Variants in PRIM2 observed in about 807,000 individuals in gnomAD.
The protein encoded by PRIM2 is DNA primase subunit 2.
In PRIM2, 39 loss-of-function variants were observed where a neutral mutation model predicts 67.3. The ratio of observed to expected loss-of-function variants is 0.58; its 90% CI spans 0.45 to 0.76. The LOEUF (loss-of-function observed/expected upper bound fraction) is 0.76. Ranked by LOEUF, PRIM2 falls within the 30% of genes least tolerant of loss-of-function variation. The pLI, the probability that PRIM2 is intolerant of heterozygous loss-of-function variation, is 0.00. For missense variants in PRIM2, 398 were observed against 598.7 expected, an observed-to-expected ratio of 0.66 and a Z score of 3.50; for synonymous variants, 143 against 198.7, an observed-to-expected ratio of 0.72 and a Z score of 2.36.
intron 10 of PRIM2, among the ~76,000 whole-genome samples, chr6:57,583,017 T>C (rs1776125216): frequency 7.0e-6 from 1 of 142,722 alleles, no homozygotes; most frequent in Non-Finnish European, 1.5e-5. Context: ...AATTCCCACC[T>C]ATGAGTGATA....
At chr6:57,230,297 C>T in the PRIM2 span, among the ~76,000 whole-genome samples, 3 of 152,218 alleles carry the variant, frequency 2.0e-5, no homozygotes, top group Admixed American at 6.5e-5. Flanking sequence ...CTGTGTCTCA[C>T]TTCCAGCCTT....
the PRIM2 span, among the ~76,000 whole-genome samples, chr6:57,222,979 C>G: frequency 6.6e-6 from 1 of 152,058 alleles, no homozygotes; most frequent in African/African-American, 2.4e-5. Context: ...TTAGGGTGCA[C>G]GGACAGGCAG....
Position 57,646,054 on chromosome 6 carries a change from A to G in PRIM2, c.1426A>G (p.Ser476Gly), listed in dbSNP as rs1270099475. 6.2e-7 allele frequency: 1 copy of G among 1,603,718 alleles called. No homozygotes were observed. The highest frequency in any genetic ancestry group is 8.5e-7 in the Non-Finnish European group (1 of 1,170,604). The change falls in exon 14 of 14, where the codon AGT becomes GGT. Residue 476 changes from serine to glycine, a missense_variant. Around this residue, in one of 4 missense-constraint regions of PRIM2, gnomAD observed 72 missense variants for 89.4 expected, o/e 0.81. Coordinates refer to ENST00000615550, the MANE Select transcript of PRIM2 (RefSeq NM_000947.5). ...ACCAGAAACTCCTCAACCCAAACCA[A>G]GTGTCCAGAAAACCAAGGATGCATC... ...IQPETPQPKP[S>G]VQKTKDASSA...
At chr6:57,257,340 C>T in the PRIM2 span, among the ~76,000 whole-genome samples, 3 of 150,352 alleles carry the variant, frequency 2.0e-5, no homozygotes, top group Admixed American at 1.3e-4. Context: ...GGCGCAATCT[C>T]GGCTCACCGC....
chr6:57,625,416 C>A (rs1310867734), intron 12 of PRIM2, among the ~76,000 whole-genome samples: 2 of 152,116 alleles, frequency 1.3e-5, no homozygotes, highest in African/African-American at 4.8e-5. Context: ...AGAAAACCCC[C>A]GATCATCACT....
intron 10 of PRIM2, among the ~76,000 whole-genome samples, chr6:57,546,466 A>G (rs1187437716): frequency 0.012 from 1,885 of 152,304 alleles, 36 homozygotes; most frequent in African/African-American, 0.043. Context: ...GAAAGAAATG[A>G]GAGCAAGAAT....
intron 10 of PRIM2, among the ~76,000 whole-genome samples, chr6:57,538,016 G>GT (rs1351821288): frequency 0.39 from 57,653 of 147,292 alleles, 11,317 homozygotes; most frequent in East Asian, 0.64. Context: ...ATAAACTTTT[G>GT]TTTTTTTTTT....
At chr6:57,446,280 G>GTTT (rs1184600298) in intron 7 of PRIM2, among the ~76,000 whole-genome samples, 3 of 107,836 alleles carry the variant, frequency 2.8e-5, no homozygotes, top group Admixed American at 9.2e-5. Context: ...ATGAGTAACT[G>GTTT]TTTTTTTTGT....
the PRIM2 span, among the ~76,000 whole-genome samples, chr6:57,243,197 A>G: frequency 3.8e-3 from 582 of 152,308 alleles, 1 homozygote; most frequent in African/African-American, 0.013. Context: ...GTCATTCACT[A>G]CCTAACCCTT....
At chr6:57,401,560 T>A (rs995961937) in intron 7 of PRIM2, among the ~76,000 whole-genome samples, 3 of 152,176 alleles carry the variant, frequency 2.0e-5, no homozygotes, top group African/African-American at 7.2e-5. Context: ...GGCTGTAGAT[T>A]GCAGCTTGGC....
Position 57,601,049 on chromosome 6 carries a change from A to G in PRIM2, c.1021-44A>G, listed in dbSNP as rs1474303047. ...TTGTGTTGCTGACCTCACTAGTATA[A>G]TTATTGGCTGACTTTGTCTCTTTTT... On this transcript the variant is annotated intron_variant, in intron 10 of 13. Transcript: ENST00000615550. The G allele has an allele frequency of 2.6e-6, 4 of 1,549,358 alleles. No individual in the cohort carries two copies. The East Asian group carries it at 9.2e-5, about 36-fold the overall frequency.
At chr6:57,544,429 T>G (rs1775244509) in intron 10 of PRIM2, among the ~76,000 whole-genome samples, 1 of 152,178 alleles carries the variant, frequency 6.6e-6, no homozygotes, top group African/African-American at 2.4e-5. Context: ...AGGAAGTTTT[T>G]GATCAACATA....
chr6:57,467,105 C>CAAAAAA (rs1268292523), intron 7 of PRIM2, among the ~76,000 whole-genome samples: 18 of 94,252 alleles, frequency 1.9e-4, no homozygotes, highest in East Asian at 6.2e-4. Flanking sequence ...AACTCCATCT[C>CAAAAAA]AAAAAAAAAA....
intron 6 of PRIM2, among the ~76,000 whole-genome samples, chr6:57,380,482 C>A (rs1258277614): frequency 2.6e-5 from 4 of 152,162 alleles, no homozygotes; most frequent in Non-Finnish European, 5.9e-5. Flanking sequence ...CCTTAACCTA[C>A]TCAGATTCCA....
chr6:57,570,099 A>T (rs1775833800), intron 10 of PRIM2, among the ~76,000 whole-genome samples: 2 of 152,134 alleles, frequency 1.3e-5, no homozygotes, highest in Admixed American at 1.3e-4. Context: ...GTGAAAGTGA[A>T]TTGTATGTAC....
the PRIM2 span, among the ~76,000 whole-genome samples, chr6:57,247,544 A>T: frequency 5.3e-5 from 8 of 152,184 alleles, no homozygotes; most frequent in Admixed American, 5.2e-4. Flanking sequence ...TGTCAAAGGC[A>T]CCCATGAGAA....
chr6:57,578,745 C>A (rs1776016801), intron 10 of PRIM2, among the ~76,000 whole-genome samples: 1 of 146,886 alleles, frequency 6.8e-6, no homozygotes, highest in South Asian at 2.2e-4. Flanking sequence ...GGCGCGATCT[C>A]GGCTCACTGC....
At chr6:57,506,340 A>G in intron 7 of PRIM2, among the ~76,000 whole-genome samples, 1 of 152,072 alleles carries the variant, frequency 6.6e-6, no homozygotes, top group Non-Finnish European at 1.5e-5. Flanking sequence ...TTTAGATGAT[A>G]GTTTTATTTG....
At chr6:57,317,848 G>A (rs1484867253) in intron 1 of PRIM2, 147 bp downstream of exon 1, 1 of 153,010 alleles carries the variant, frequency 6.5e-6, no homozygotes, top group Non-Finnish European at 1.5e-5. Flanking sequence ...CAGACACCCA[G>A]GTACCAGGGA....
Sources: allele counts gnomAD v4.1 joint callset (sites outside exome capture counted in the v4.1 genomes callset), GRCh38; gene constraint gnomAD v4.1.1; regional missense constraint gnomAD v4.1.1; transcripts MANE v1.5; gene names NCBI Gene and HGNC (gene_info 2026-07-23, HGNC 2026-07-21).